Variants in TTC8 observed in about 807,000 individuals in gnomAD.
TTC8 encodes the protein tetratricopeptide repeat domain 8.
TTC8 carries 47 observed loss-of-function variants against 72.5 expected under a neutral mutation model. That is an observed-to-expected ratio of 0.65 (90% CI 0.51 to 0.83). The LOEUF (loss-of-function observed/expected upper bound fraction) is 0.83, where lower values mean the gene tolerates loss of function less well. TTC8 is among the 40% of genes least tolerant of loss of function. The pLI, the probability that TTC8 is intolerant of heterozygous loss-of-function variation, is 0.00. For synonymous variants in TTC8, 199 were observed against 221.4 expected (o/e 0.90, Z 0.90); for missense variants, 611 against 623.2 (o/e 0.98, Z 0.21).
rs1210058769 is a variant in TTC8 at position 88,840,703 on chromosome 14, G to A, written c.266-162G>A. 3 of 704,060 alleles carry A rather than the reference G, an allele frequency of 4.3e-6. No individual in the cohort carries two copies. In the African/African-American group the frequency reaches 5.3e-5, roughly 13 times the overall value. 43.6% of individuals were successfully genotyped at this position (704,060 alleles called of 1,614,324 possible). A position where few individuals can be genotyped will look rare whatever the true frequency, so the allele number is the denominator to read the frequency against. On this transcript the variant is annotated intron_variant, in intron 3 of 14. Coordinates refer to ENST00000380656, the MANE Select transcript of TTC8 (RefSeq NM_144596.4). ...TGTGATGACATAAGTAACATGATAG[G>A]TACTCATTAAATATTAGTCTAAAAC...
intron 1 of TTC8, among the ~76,000 whole-genome samples, chr14:88,826,069 C>T (rs148018356): frequency 0.023 from 3,458 of 151,846 alleles, 145 homozygotes; most frequent in African/African-American, 0.079. Flanking sequence ...CTGTCTGCAA[C>T]CTCCGCCTCC....
At chr14:88,870,008 T>C (rs71425332) in intron 10 of TTC8, 51 bp from the exon 11 acceptor site, 25,389 of 1,598,028 alleles carry the variant, frequency 0.016, 270 homozygotes, top group South Asian at 0.02. Flanking sequence ...AAAAAATAAT[T>C]TTTTGTCCAA....
At chr14:88,878,913 A>T (rs2094965975), downstream of TTC8, 1 of 152,160 alleles carries the variant, frequency 6.6e-6, no homozygotes, top group African/African-American at 2.4e-5. Flanking sequence ...AAGCTTATTG[A>T]ACTAGTAGTA....
At chr14:88,847,421 G>T (rs1414178153) in intron 7 of TTC8, among the ~76,000 whole-genome samples, 3 of 152,148 alleles carry the variant, frequency 2.0e-5, no homozygotes, top group Non-Finnish European at 4.4e-5. Flanking sequence ...TAACACGGAG[G>T]TGATAGTAAA....
At chr14:88,855,597 T>A (rs1010380752) in intron 8 of TTC8, among the ~76,000 whole-genome samples, 1 of 152,232 alleles carries the variant, frequency 6.6e-6, no homozygotes, top group African/African-American at 2.4e-5. Context: ...TTTTTATTTT[T>A]AAAATTTATC....
chr14:88,877,970 A>G lies in TTC8; in HGVS notation c.*560A>G, dbSNP rs957159952. 6.6e-6 allele frequency: 1 copy of G among 152,222 alleles called. No individual in the cohort carries two copies. The highest frequency in any genetic ancestry group is 2.4e-5 in the African/African-American group (1 of 41,446). 9.4% of individuals were successfully genotyped at this position (152,222 alleles called of 1,614,324 possible). ...GATTTCCTATTAAGCTTTAAAATAAATCATTGTGTAAAACACCATCATTTC... is the reference window on the plus strand; with the variant it reads ...GATTTCCTATTAAGCTTTAAAATAAGTCATTGTGTAAAACACCATCATTTC... On this transcript the variant is annotated 3_prime_UTR_variant, in exon 15 of 15. Coordinates refer to ENST00000380656, the MANE Select transcript of TTC8 (RefSeq NM_144596.4).
chr14:88,829,952 T>C (rs535658468), intron 1 of TTC8, among the ~76,000 whole-genome samples: 1 of 152,308 alleles, frequency 6.6e-6, no homozygotes, highest in South Asian at 2.1e-4. Context: ...CTATACGCTG[T>C]GGGGCAGGTC....
intron 3 of TTC8, among the ~76,000 whole-genome samples, chr14:88,840,007 C>T (rs1051669365): frequency 2.0e-5 from 3 of 152,098 alleles, no homozygotes; most frequent in African/African-American, 7.2e-5. Flanking sequence ...AAAGGTCGTT[C>T]GAAAACATCA....
chr14:88,868,731 AC>A (rs1259331724), intron 10 of TTC8, among the ~76,000 whole-genome samples: 1 of 152,148 alleles, frequency 6.6e-6, no homozygotes, highest in Non-Finnish European at 1.5e-5. Context: ...AGCATGGTGA[AC>A]CTGGTAATTA....
chr14:88,825,041 C>T (rs567301224), intron 1 of TTC8, among the ~76,000 whole-genome samples: 1 of 152,208 alleles, frequency 6.6e-6, no homozygotes, highest in Non-Finnish European at 1.5e-5. Flanking sequence ...CATGACCGCC[C>T]CCTCCTCACA....
At chr14:88,832,291 T>A (rs1314220053) in intron 1 of TTC8, among the ~76,000 whole-genome samples, 1 of 152,230 alleles carries the variant, frequency 6.6e-6, no homozygotes, top group Non-Finnish European at 1.5e-5. Context: ...GGAATCTACC[T>A]GCCCTTGGCA....
intron 1 of TTC8, among the ~76,000 whole-genome samples, chr14:88,831,860 T>A (rs1414321176): frequency 6.6e-6 from 1 of 152,202 alleles, no homozygotes; most frequent in Non-Finnish European, 1.5e-5. Context: ...CCCCCTTCTC[T>A]GACTCTCTTA....
chr14:88,866,482 G>T (rs376878452), intron 10 of TTC8, among the ~76,000 whole-genome samples: 4 of 151,884 alleles, frequency 2.6e-5, no homozygotes, highest in Admixed American at 6.6e-5. Context: ...CCATGTCATG[G>T]TGTGGCTTTT....
At chr14:88,824,644 G>T, upstream of TTC8, 4 of 1,393,846 alleles carry the variant, frequency 2.9e-6, no homozygotes, top group Non-Finnish European at 4.0e-6. Flanking sequence ...GACGCCGCCA[G>T]CTCTTCACTC....
At position 88,839,437 on chromosome 14, in the gene TTC8, A is replaced by G. The variant is rs891151415; in HGVS notation, c.145-15A>G. The G allele has an allele frequency of 2.5e-6, 4 of 1,612,370 alleles. No individual in the cohort carries two copies. The highest frequency in any genetic ancestry group is 3.4e-6 in the Non-Finnish European group (4 of 1,178,912). ...TGCTATTTTAATATATGTTTTATTT[A>G]TCCATGGGTTTTAGGCAGCTTGGAT... On this transcript the variant is annotated splice_polypyrimidine_tract_variant and intron_variant, in intron 2 of 14. Transcript: ENST00000380656.
intron 10 of TTC8, among the ~76,000 whole-genome samples, chr14:88,867,385 T>A (rs930739513): frequency 6.6e-6 from 1 of 152,192 alleles, no homozygotes; most frequent in Non-Finnish European, 1.5e-5. Flanking sequence ...GGTTTTGATA[T>A]GGAAAGAGTC....
chr14:88,862,078 C>T (rs2094888166), intron 10 of TTC8, among the ~76,000 whole-genome samples: 1 of 152,102 alleles, frequency 6.6e-6, no homozygotes, highest in Non-Finnish European at 1.5e-5. Context: ...AACAACTATA[C>T]TACTTTACAT....
intron 13 of TTC8, among the ~76,000 whole-genome samples, chr14:88,873,971 T>C (rs1295404633): frequency 1.3e-5 from 2 of 152,212 alleles, no homozygotes. Context: ...ATGTTACCTT[T>C]ATTGCATAAA....
At chr14:88,872,550 C>A in intron 13 of TTC8, 98 bp downstream of exon 13, 1 of 1,545,328 alleles carries the variant, frequency 6.5e-7, no homozygotes, top group Non-Finnish European at 8.8e-7. Flanking sequence ...TTAAAATGAG[C>A]TCTAGAATCT....
Sources: gnomAD v4.1 joint callset for allele counts (sites outside exome capture counted in the v4.1 genomes callset) on GRCh38, gnomAD v4.1.1 for gene constraint, MANE v1.5 for transcripts, NCBI Gene and HGNC (gene_info 2026-07-23, HGNC 2026-07-21) for gene names.